TMPRSS15: variants seen among roughly 807,000 people sequenced by gnomAD.
TMPRSS15 encodes enteropeptidase.
TMPRSS15 carries 128 observed loss-of-function variants against 125.3 expected under a neutral mutation model. That is an observed-to-expected ratio of 1.02 (90% confidence interval 0.89 to 1.18). The LOEUF (loss-of-function observed/expected upper bound fraction) is 1.18. TMPRSS15 is among the 50% of genes most tolerant of loss of function. The pLI is 0.00. For synonymous variants in TMPRSS15, 446 were observed against 423.2 expected, an observed-to-expected ratio of 1.05 and a Z score of -0.66; for missense variants, 1,283 against 1,212.7, an observed-to-expected ratio of 1.06 and a Z score of -0.86.
intron 16 of TMPRSS15, among the ~76,000 whole-genome samples, chr21:18,316,667 C>T (rs749043035): frequency 2.6e-5 from 4 of 151,218 alleles, no homozygotes; most frequent in Non-Finnish European, 5.9e-5. Context: ...ATCTGGAGGC[C>T]GTTGGTGGTG....
intron 19 of TMPRSS15, among the ~76,000 whole-genome samples, chr21:18,295,901 C>A (rs1333768172): frequency 1.3e-5 from 2 of 152,192 alleles, no homozygotes; most frequent in Admixed American, 1.3e-4. Context: ...GCCTGTAACT[C>A]CAGCACTTTG....
intron 1 of TMPRSS15, among the ~76,000 whole-genome samples, chr21:18,469,831 CTT>C (rs1352972610): frequency 4.6e-5 from 7 of 151,958 alleles, no homozygotes; most frequent in Admixed American, 4.6e-4. Context: ...TGCAAATAGT[CTT>C]GTGTCTTTAT....
chr21:18,269,894 A>G lies in TMPRSS15; in HGVS notation c.*75T>C. 1 of 1,572,118 alleles carries G rather than the reference A, an allele frequency of 6.4e-7. No individual in the cohort carries two copies. Among genetic ancestry groups the G allele is most frequent in the Non-Finnish European group, 8.7e-7 (1 of 1,153,316 alleles). Reference sequence around the variant, plus strand: ...GGTAACTTTTTAAAATTTTTGTACGAAACACTTAATTTCCATGCTTTCTAG... The same window carrying G: ...GGTAACTTTTTAAAATTTTTGTACGGAACACTTAATTTCCATGCTTTCTAG... On this transcript the variant is annotated 3_prime_UTR_variant, in exon 25 of 25. Coordinates refer to ENST00000284885, the MANE Select transcript of TMPRSS15 (RefSeq NM_002772.3).
At chr21:18,409,042 C>T (rs1047878103) in intron 1 of TMPRSS15, among the ~76,000 whole-genome samples, 4 of 152,118 alleles carry the variant, frequency 2.6e-5, no homozygotes, top group African/African-American at 9.6e-5. Context: ...TCCATGAGTT[C>T]ATTCATATGT....
At position 18,352,950 on chromosome 21, in the gene TMPRSS15, G is replaced by A. The variant is rs911078413; in HGVS notation, c.1124C>T (p.Ser375Phe). The A allele has an allele frequency of 6.2e-7, 1 of 1,612,270 alleles. No homozygotes were observed. The highest frequency in any genetic ancestry group is 8.5e-7 in the Non-Finnish European group (1 of 1,178,950). Residue 375 changes from serine (S) to phenylalanine (F), a missense_variant, in exon 10 of 25, where the codon TCT (serine) becomes TTT (phenylalanine). Transcript: ENST00000284885. The part of the protein sequence containing the change: ...EWERIQGSTF[S>F]PFTGPNFDHT... ...GTCAAAATTGGGTCCAGTAAAAGGA[G>A]AAAAGGTGCTTCCCTGAATCCTTTC... is the stretch of plus-strand genomic sequence containing the variant.
At chr21:18,441,281 CAAACAAAACAAAACA>C (rs371605283) in intron 1 of TMPRSS15, among the ~76,000 whole-genome samples, 10 of 149,172 alleles carry the variant, frequency 6.7e-5, no homozygotes, top group South Asian at 2.1e-4. Context: ...AACTCCGTCT[CAAACAAAACAAAACA>C]AAACAAAACA....
chr21:18,340,926 T>C lies in TMPRSS15; in HGVS notation c.1564+487A>G, dbSNP rs985471653. Among the ~76,000 whole-genome samples, 7 of 152,352 alleles carry C rather than the reference T, an allele frequency of 4.6e-5. 1 individual carries two copies. Among genetic ancestry groups the C allele is most frequent in the Admixed American group, 4.6e-4 (7 of 15,300 alleles). ...AAGAGTGGTTTTCATTGTGGATTTA[T>C]GTGTAACATGTAATATTTTGCTAGC... On this transcript the variant is annotated intron_variant, in intron 13 of 24. Coordinates refer to ENST00000284885, the MANE Select transcript of TMPRSS15 (RefSeq NM_002772.3).
chr21:18,444,326 C>T (rs77639023), intron 1 of TMPRSS15, among the ~76,000 whole-genome samples: 1 of 152,188 alleles, frequency 6.6e-6, no homozygotes, highest in Admixed American at 6.5e-5. Flanking sequence ...ATTTCGTGTC[C>T]TTTACAGGGA....
chr21:18,280,257 ATAT>A (rs1444256015), intron 22 of TMPRSS15, among the ~76,000 whole-genome samples: 1 of 151,586 alleles, frequency 6.6e-6, no homozygotes, highest in Non-Finnish European at 1.5e-5. Context: ...CACTCAGATA[ATAT>A]TATCGAATCT....
At chr21:18,384,758 A>C (rs988888369) in intron 3 of TMPRSS15, among the ~76,000 whole-genome samples, 16 of 152,182 alleles carry the variant, frequency 1.1e-4, no homozygotes, top group African/African-American at 3.6e-4. Context: ...TAAATTTTGC[A>C]TGATATGTTT....
At chr21:18,284,691 C>T (rs1435693926) in intron 21 of TMPRSS15, among the ~76,000 whole-genome samples, 2 of 152,156 alleles carry the variant, frequency 1.3e-5, no homozygotes, top group Non-Finnish European at 2.9e-5. Context: ...AGGAAATCCC[C>T]AATCCGGTGG....
chr21:18,466,750 C>G (rs1978670835), intron 1 of TMPRSS15, among the ~76,000 whole-genome samples: 2 of 152,020 alleles, frequency 1.3e-5, no homozygotes, highest in African/African-American at 4.8e-5. Context: ...TCATTAAAGT[C>G]AGGAAACAAC....
intron 8 of TMPRSS15, among the ~76,000 whole-genome samples, chr21:18,359,087 G>C (rs17781453): frequency 0.035 from 5,303 of 151,834 alleles, 291 homozygotes; most frequent in African/African-American, 0.12. Context: ...TTATTTCCCC[G>C]TGGAATTTTG....
intron 5 of TMPRSS15, among the ~76,000 whole-genome samples, chr21:18,373,749 G>A (rs2075814666): frequency 6.6e-6 from 1 of 152,160 alleles, no homozygotes. Flanking sequence ...TCCACTTCCT[G>A]ATGTATCACA....
At chr21:18,288,731 C>T (rs944882472) in intron 21 of TMPRSS15, among the ~76,000 whole-genome samples, 24 of 151,616 alleles carry the variant, frequency 1.6e-4, no homozygotes, top group Admixed American at 2.6e-4. Context: ...TTAGTAGAGA[C>T]GGGGTTTCAC....
At chr21:18,351,607 T>C (rs574520922) in intron 10 of TMPRSS15, among the ~76,000 whole-genome samples, 110 of 152,310 alleles carry the variant, frequency 7.2e-4, no homozygotes, top group African/African-American at 2.6e-3. Flanking sequence ...TGCTTTGCCT[T>C]CTGCCATGAT....
At chr21:18,284,181 G>C (rs957632387) in intron 21 of TMPRSS15, among the ~76,000 whole-genome samples, 4 of 152,138 alleles carry the variant, frequency 2.6e-5, no homozygotes, top group Non-Finnish European at 5.9e-5. Flanking sequence ...CCTTCAAAGA[G>C]AAAGGCTGCT....
intron 3 of TMPRSS15, among the ~76,000 whole-genome samples, chr21:18,394,514 A>ATT (rs2076016503): frequency 6.6e-6 from 1 of 150,388 alleles, no homozygotes; most frequent in South Asian, 2.1e-4. Flanking sequence ...CATGTATGGC[A>ATT]TTCTCTCTCT....
intron 3 of TMPRSS15, among the ~76,000 whole-genome samples, chr21:18,396,113 T>C (rs1010372474): frequency 1.3e-5 from 2 of 152,228 alleles, no homozygotes; most frequent in African/African-American, 4.8e-5. Context: ...TAGATGTTTT[T>C]CTCCATGCTC....
Sources: allele counts gnomAD v4.1 joint callset (sites outside exome capture counted in the v4.1 genomes callset), GRCh38; gene constraint gnomAD v4.1.1; transcripts MANE v1.5; gene names NCBI Gene and HGNC (gene_info 2026-07-23, HGNC 2026-07-21).